Variants in DLGAP2 observed in about 807,000 individuals in gnomAD.
DLGAP2 encodes the protein DLG associated protein 2.
A neutral mutation model predicts 100.3 loss-of-function variants in DLGAP2; 26 were observed. That is an observed-to-expected ratio of 0.26 (90% confidence interval 0.19 to 0.36). DLGAP2 has a LOEUF of 0.36. Ranked by LOEUF, DLGAP2 falls within the 10% of genes least tolerant of loss-of-function variation. The pLI, the probability that DLGAP2 is intolerant of heterozygous loss-of-function variation, is 1.00. For missense variants in DLGAP2, 1,858 were observed against 1,453.2 expected, an observed-to-expected ratio of 1.28 and a Z score of -4.53; for synonymous variants, 886 against 630.1, an observed-to-expected ratio of 1.41 and a Z score of -6.08.
At chr8:1,523,340 C>T (rs563403380) in intron 4 of DLGAP2, among the ~76,000 whole-genome samples, 3 of 152,226 alleles carry the variant, frequency 2.0e-5, no homozygotes, top group Non-Finnish European at 2.9e-5. Flanking sequence ...ACGGGGTCAC[C>T]GTCCCACTTC....
intron 1 of DLGAP2, among the ~76,000 whole-genome samples, chr8:779,554 C>T (rs536720899): frequency 2.8e-4 from 42 of 151,452 alleles, no homozygotes; most frequent in African/African-American, 9.9e-4. Flanking sequence ...GCGTCTGCCT[C>T]CTGGGCTCAA....
chr8:1,045,358 T>C (rs910149899), intron 2 of DLGAP2, among the ~76,000 whole-genome samples: 1 of 152,194 alleles, frequency 6.6e-6, no homozygotes, highest in African/African-American at 2.4e-5. Context: ...TTTTAAATGT[T>C]TTCATTTTTT....
At chr8:747,712 A>G (rs1307934375) in intron 1 of DLGAP2, among the ~76,000 whole-genome samples, 52 of 45,454 alleles carry the variant, frequency 1.1e-3, no homozygotes, top group Middle Eastern at 0.01. Flanking sequence ...TCTGTGGTGG[A>G]ATGAACGTGT....
chr8:975,763 G>T (rs1800146270), intron 2 of DLGAP2, among the ~76,000 whole-genome samples: 1 of 152,214 alleles, frequency 6.6e-6, no homozygotes, highest in Non-Finnish European at 1.5e-5. Context: ...AAAAAACCCT[G>T]TAGCTAAACT....
intron 2 of DLGAP2, among the ~76,000 whole-genome samples, chr8:1,038,807 G>A (rs370043085): frequency 2.0e-5 from 3 of 152,176 alleles, no homozygotes; most frequent in South Asian, 2.1e-4. Flanking sequence ...CCCCACATTT[G>A]CTCATGGAAA....
chr8:851,230 T>G (rs75038985), intron 1 of DLGAP2, among the ~76,000 whole-genome samples: 2,470 of 152,340 alleles, frequency 0.016, 32 homozygotes, highest in African/African-American at 0.041. Flanking sequence ...GGCTGTGCCA[T>G]TCAACCCAGG....
chr8:1,243,953 C>T (rs1476245780), intron 2 of DLGAP2, among the ~76,000 whole-genome samples: 4 of 152,168 alleles, frequency 2.6e-5, no homozygotes, highest in African/African-American at 7.2e-5. Flanking sequence ...ATCTACCTTC[C>T]AGCTCCCAGC....
chr8:1,217,853 G>T (rs899962183), intron 2 of DLGAP2, among the ~76,000 whole-genome samples: 1 of 152,108 alleles, frequency 6.6e-6, no homozygotes, highest in Non-Finnish European at 1.5e-5. Context: ...TCTATAATGA[G>T]TAGTGATGTT....
chr8:1,335,546 G>T (rs1801254644), intron 3 of DLGAP2, among the ~76,000 whole-genome samples: 1 of 152,154 alleles, frequency 6.6e-6, no homozygotes, highest in African/African-American at 2.4e-5. Flanking sequence ...TGCTAAATGA[G>T]CTCAGAGGAG....
intron 2 of DLGAP2, among the ~76,000 whole-genome samples, chr8:952,722 A>G (rs2129008146): frequency 6.6e-6 from 1 of 152,354 alleles, no homozygotes; most frequent in South Asian, 2.1e-4. Flanking sequence ...CCTATTGTCC[A>G]CAAAACACCT....
At chr8:1,181,358 G>A (rs908325572) in intron 2 of DLGAP2, among the ~76,000 whole-genome samples, 3 of 152,246 alleles carry the variant, frequency 2.0e-5, no homozygotes, top group African/African-American at 7.2e-5. Context: ...TTAACAATGG[G>A]AAGAGTGTTT....
intron 3 of DLGAP2, among the ~76,000 whole-genome samples, chr8:1,413,543 T>A (rs1796792643): frequency 6.6e-6 from 1 of 152,180 alleles, no homozygotes. Context: ...ATAATGGAAA[T>A]GAAAAAATGT....
Position 1,697,242 on chromosome 8 carries a change from C to T in DLGAP2, c.2892C>T (p.Asp964=), listed in dbSNP as rs375261620. 398 of 1,610,914 alleles carry T rather than the reference C, an allele frequency of 2.5e-4. No homozygotes were observed. The highest frequency in any genetic ancestry group is 3.1e-4 in the Non-Finnish European group (364 of 1,178,276). ...TTGAGGACGTCAGCATGAAGTTCGA[C>T]GAGCTGCAGCGGCTGCGGCTCAACG... ...LSIEDVSMKF[D]ELQRLRLNDW... is the part of the protein sequence containing the mutation. Residue 964 remains aspartate, a synonymous_variant, in exon 14 of 15, where the codon GAC becomes GAT. Coordinates refer to ENST00000637795, the MANE Select transcript of DLGAP2 (RefSeq NM_001346810.2).
chr8:1,698,491 A>G (rs1224261285), intron 14 of DLGAP2, among the ~76,000 whole-genome samples: 1 of 146,242 alleles, frequency 6.8e-6, no homozygotes, highest in African/African-American at 2.7e-5. Flanking sequence ...GCGTGGGACT[A>G]GGCAGGTCCA....
intron 1 of DLGAP2, among the ~76,000 whole-genome samples, chr8:780,485 C>T (rs1821654086): frequency 6.6e-6 from 1 of 152,168 alleles, no homozygotes; most frequent in African/African-American, 2.4e-5. Context: ...TGATCTCACA[C>T]CCAGAAGTGG....
intron 1 of DLGAP2, among the ~76,000 whole-genome samples, chr8:808,074 C>T (rs1796301803): frequency 6.6e-6 from 1 of 152,174 alleles, no homozygotes; most frequent in Non-Finnish European, 1.5e-5. Flanking sequence ...TAATTTTACG[C>T]TCATCTGTGT....
chr8:756,254 C>T (rs753938321), intron 1 of DLGAP2, among the ~76,000 whole-genome samples: 1 of 151,888 alleles, frequency 6.6e-6, no homozygotes, highest in Admixed American at 6.6e-5. Flanking sequence ...GTGATGGGCT[C>T]ATGCTGTTTA....
intron 12 of DLGAP2, among the ~76,000 whole-genome samples, chr8:1,683,882 G>A (rs1281465602): frequency 8.5e-5 from 9 of 106,472 alleles, no homozygotes; most frequent in South Asian, 3.4e-4. Flanking sequence ...GTGTGTGTGT[G>A]TGTGTGTGTG....
At chr8:1,381,611 C>G (rs1796096972) in intron 3 of DLGAP2, among the ~76,000 whole-genome samples, 1 of 152,194 alleles carries the variant, frequency 6.6e-6, no homozygotes, top group Non-Finnish European at 1.5e-5. Context: ...GCCCACTCTT[C>G]TACTCTGTGC....
Sources: allele counts gnomAD v4.1 joint callset (sites outside exome capture counted in the v4.1 genomes callset), GRCh38; gene constraint gnomAD v4.1.1; transcripts MANE v1.5; gene names NCBI Gene and HGNC (gene_info 2026-07-23, HGNC 2026-07-21).